The following SUMF1 variants were observed in gnomAD, a reference collection of about 807,000 sequenced individuals.
SUMF1 encodes the protein sulfatase modifying factor 1.
SUMF1 carries 48 observed loss-of-function variants against 47.6 expected under a neutral mutation model. The observed-to-expected ratio is 1.01, with a 90% CI of 0.80 to 1.28. SUMF1 has a LOEUF of 1.28. SUMF1 is among the 50% of genes most tolerant of loss of function. SUMF1 has a pLI of 0.00. For synonymous variants in SUMF1, 230 were observed against 192.1 expected (o/e 1.20, Z -1.63); for missense variants, 571 against 485.4 (o/e 1.18, Z -1.66).
chr3:4,199,929 T>C (rs1278732375), intron 8 of SUMF1, among the ~76,000 whole-genome samples: 2 of 152,072 alleles, frequency 1.3e-5, no homozygotes, highest in Non-Finnish European at 2.9e-5. Context: ...TGCTTATCTG[T>C]TTTTTCATTT....
At chr3:4,265,049 A>T (rs1559630387) in intron 8 of SUMF1, among the ~76,000 whole-genome samples, 1 of 151,046 alleles carries the variant, frequency 6.6e-6, no homozygotes, top group South Asian at 2.1e-4. Flanking sequence ...AGACAGGAGA[A>T]TCGCTTGAAC....
intron 8 of SUMF1, among the ~76,000 whole-genome samples, chr3:4,144,912 C>A (rs917451482): frequency 2.0e-5 from 3 of 152,058 alleles, no homozygotes; most frequent in African/African-American, 7.2e-5. Context: ...TCTTAAAAGC[C>A]ATCTCGGCAG....
intron 8 of SUMF1, among the ~76,000 whole-genome samples, chr3:4,363,632 A>G (rs1359175796): frequency 4.0e-5 from 6 of 151,696 alleles, no homozygotes; most frequent in Non-Finnish European, 7.4e-5. Context: ...GGCTGACACA[A>G]TGGGGTTTTC....
intron 8 of SUMF1, among the ~76,000 whole-genome samples, chr3:4,230,974 G>C (rs1473720329): frequency 6.6e-6 from 1 of 152,146 alleles, no homozygotes; most frequent in East Asian, 1.9e-4. Context: ...AGGTACATGT[G>C]AATTACAGGG....
chr3:4,353,063 C>T (rs370678827), intron 8 of SUMF1, among the ~76,000 whole-genome samples: 1 of 152,124 alleles, frequency 6.6e-6, no homozygotes, highest in African/African-American at 2.4e-5. Flanking sequence ...GAGGACCCCA[C>T]AGAATTTCTG....
intron 6 of SUMF1, among the ~76,000 whole-genome samples, chr3:4,411,869 C>A (rs992879082): frequency 2.0e-5 from 3 of 151,826 alleles, no homozygotes; most frequent in African/African-American, 7.3e-5. Context: ...ATCAAGTAAT[C>A]CTTGGGGGTT....
At chr3:4,447,067 C>T (rs1295049459) in intron 3 of SUMF1, among the ~76,000 whole-genome samples, 3 of 151,934 alleles carry the variant, frequency 2.0e-5, no homozygotes, top group Non-Finnish European at 4.4e-5. Flanking sequence ...CTGGGGTAGG[C>T]AGAAAAATTC....
At chr3:4,149,724 T>A (rs931884629) in intron 8 of SUMF1, among the ~76,000 whole-genome samples, 4 of 152,104 alleles carry the variant, frequency 2.6e-5, no homozygotes, top group African/African-American at 9.7e-5. Context: ...GATATTGCAA[T>A]TTGGGGTGAG....
At chr3:4,272,086 A>C (rs954410191) in intron 8 of SUMF1, among the ~76,000 whole-genome samples, 7 of 152,170 alleles carry the variant, frequency 4.6e-5, no homozygotes, top group African/African-American at 1.4e-4. Flanking sequence ...CCGGACTGGA[A>C]TTTGGCTTCA....
intron 8 of SUMF1, among the ~76,000 whole-genome samples, chr3:4,298,439 G>A (rs189199588): frequency 6.6e-6 from 1 of 152,078 alleles, no homozygotes; most frequent in African/African-American, 2.4e-5. Context: ...AAACCAAAGG[G>A]CCAGCATGCA....
At chr3:4,191,893 T>G (rs1158323821) in intron 8 of SUMF1, among the ~76,000 whole-genome samples, 2 of 152,170 alleles carry the variant, frequency 1.3e-5, no homozygotes, top group African/African-American at 4.8e-5. Flanking sequence ...GGTAGAGGCA[T>G]ATTCTAAATA....
At chr3:4,465,474 T>C (rs1398658117) in intron 1 of SUMF1, among the ~76,000 whole-genome samples, 2 of 147,876 alleles carry the variant, frequency 1.4e-5, no homozygotes, top group Non-Finnish European at 3.0e-5. Context: ...CGAGACTCCG[T>C]CTAAAAAAAA....
At chr3:4,042,592 C>T (rs1008314834) in intron 9 of SUMF1, among the ~76,000 whole-genome samples, 2 of 152,176 alleles carry the variant, frequency 1.3e-5, no homozygotes, top group African/African-American at 4.8e-5. Flanking sequence ...TATTTCAAAA[C>T]AATTATGTAA....
intron 8 of SUMF1, among the ~76,000 whole-genome samples, chr3:4,076,890 G>C (rs1009647421): frequency 6.6e-6 from 1 of 152,042 alleles, no homozygotes; most frequent in African/African-American, 2.4e-5. Flanking sequence ...TGTAGTCCCA[G>C]CTACTCGGGA....
In SUMF1 at chr3:4,134,502, C is replaced by T. The variant is rs551936006; in HGVS notation, c.1015-65757G>A. 4.4e-3 allele frequency among the ~76,000 whole-genome samples: 667 copies of T among 152,020 alleles called. 4 individuals are homozygous for T. The highest frequency in any genetic ancestry group is 0.015 in the African/African-American group (628 of 41,438). ...AGGGAAATTTATAGCACTAAATGCCCACAAGAGAAAGCAGGAAAGATCTAA... is the reference window on the plus strand; with the variant it reads ...AGGGAAATTTATAGCACTAAATGCCTACAAGAGAAAGCAGGAAAGATCTAA... On this transcript the variant is annotated intron_variant and NMD_transcript_variant, in intron 8 of 12. Transcript: ENST00000448413.
At chr3:4,038,904 A>G (rs1294127970) in intron 9 of SUMF1, among the ~76,000 whole-genome samples, 2 of 152,214 alleles carry the variant, frequency 1.3e-5, no homozygotes, top group African/African-American at 4.8e-5. Flanking sequence ...ACAATGCTTA[A>G]TTCAAGAAAA....
chr3:4,437,315 G>A (rs1040202445), intron 3 of SUMF1, among the ~76,000 whole-genome samples: 1 of 152,018 alleles, frequency 6.6e-6, no homozygotes, highest in African/African-American at 2.4e-5. Flanking sequence ...AAAAGTTAAT[G>A]GAATAATAAA....
At chr3:4,205,871 C>T (rs987770112) in intron 8 of SUMF1, among the ~76,000 whole-genome samples, 2 of 152,118 alleles carry the variant, frequency 1.3e-5, no homozygotes, top group African/African-American at 4.8e-5. Flanking sequence ...TGCTGGGTCA[C>T]ATCTGAAGCC....
chr3:4,164,367 C>G (rs540115641), intron 8 of SUMF1, among the ~76,000 whole-genome samples: 4 of 152,284 alleles, frequency 2.6e-5, no homozygotes, highest in Non-Finnish European at 5.9e-5. Context: ...AGGGTGATGA[C>G]ATGAGCTGGC....
Sources: allele counts gnomAD v4.1 joint callset (sites outside exome capture counted in the v4.1 genomes callset), GRCh38; gene constraint gnomAD v4.1.1; transcripts MANE v1.5; gene names NCBI Gene and HGNC (gene_info 2026-07-23, HGNC 2026-07-21).